The following ITGA8 variants were observed in gnomAD, a reference collection of about 807,000 sequenced individuals.
ITGA8 encodes integrin subunit alpha 8.
Under a neutral mutation model 142.3 loss-of-function variants are expected in ITGA8, and 91 were observed. That is an observed-to-expected ratio of 0.64 (90% CI 0.54 to 0.76). The LOEUF (loss-of-function observed/expected upper bound fraction) is 0.76, where lower values mean the gene tolerates loss of function less well. Ranked by LOEUF, ITGA8 falls within the 30% of genes least tolerant of loss-of-function variation. ITGA8 has a pLI of 0.00. For missense variants in ITGA8, 1,406 were observed against 1,327.7 expected (o/e 1.06, Z -0.92); for synonymous variants, 505 against 485.2 (o/e 1.04, Z -0.54).
chr10:15,604,419 T>G, intron 19 of ITGA8, 64 bp from the exon 20 acceptor site: 8 of 1,369,080 alleles, frequency 5.8e-6, no homozygotes, highest in Non-Finnish European at 7.9e-6. Context: ...AATATTTTAT[T>G]TAAGGATTTA....
rs769000618 is a variant in ITGA8 at position 15,608,250 on chromosome 10, T to A, written c.1594A>T (p.Ile532Phe). ...ACATGCTTACCTATTGTGTTTGCAA[T>A]GCTCTGGCCTGTGACAGATGCACAT... ...RVCASVTGQSIANTIVLMAEV... is the reference protein window; with the variant it reads ...RVCASVTGQSFANTIVLMAEV... Residue 532 changes from isoleucine (I) to phenylalanine (F), a missense_variant, in exon 16 of 30, where the codon ATT (isoleucine) becomes TTT (phenylalanine). Ile to Phe is a conservative substitution (Grantham distance 21). Coordinates refer to ENST00000378076, the MANE Select transcript of ITGA8 (RefSeq NM_003638.3). 6.3e-7 allele frequency: 1 copy of A among 1,597,170 alleles called. No homozygotes were observed. Among genetic ancestry groups the A allele is most frequent in the Non-Finnish European group, 8.5e-7 (1 of 1,172,776 alleles).
At chr10:15,636,636 C>T (rs1305299240) in intron 13 of ITGA8, among the ~76,000 whole-genome samples, 1 of 152,140 alleles carries the variant, frequency 6.6e-6, no homozygotes, top group Non-Finnish European at 1.5e-5. Flanking sequence ...TCTTCCTTAC[C>T]TCCTGCCACC....
At chr10:15,559,419 T>G (rs1313588751) in intron 25 of ITGA8, among the ~76,000 whole-genome samples, 1 of 151,702 alleles carries the variant, frequency 6.6e-6, no homozygotes, top group Non-Finnish European at 1.5e-5. Flanking sequence ...GATGAGAAAA[T>G]GGAAAACACA....
intron 27 of ITGA8, 70 bp downstream of exon 27, chr10:15,548,385 C>G: frequency 2.8e-6 from 3 of 1,055,976 alleles, no homozygotes; most frequent in Non-Finnish European, 4.3e-6. Context: ...TATGAAAAGA[C>G]TTCCCACTGA....
intron 13 of ITGA8, among the ~76,000 whole-genome samples, chr10:15,640,530 G>A (rs369803328): frequency 7.9e-5 from 12 of 152,212 alleles, no homozygotes; most frequent in African/African-American, 2.4e-4. Context: ...GGCCTAGAAC[G>A]TAGCATTTAC....
chr10:15,548,981 A>C (rs1033818800), intron 26 of ITGA8, among the ~76,000 whole-genome samples: 1 of 152,122 alleles, frequency 6.6e-6, no homozygotes, highest in East Asian at 1.9e-4. Flanking sequence ...ATTGACATAC[A>C]TTTGTTCCAT....
intron 8 of ITGA8, among the ~76,000 whole-genome samples, chr10:15,663,856 G>GTC (rs1834335816): frequency 6.6e-6 from 1 of 152,000 alleles, no homozygotes; most frequent in Non-Finnish European, 1.5e-5. Context: ...AGGTGTGTGA[G>GTC]TCACCACACC....
Position 15,604,218 on chromosome 10 carries a change from C to T in ITGA8, c.2108G>A (p.Arg703His), listed in dbSNP as rs547566310. The change falls in exon 20 of 30, where the codon CGC (arginine) becomes CAC (histidine). Residue 703 changes from arginine to histidine, a missense_variant. By Grantham distance (29) the Arg-to-His change is conservative. Coordinates refer to ENST00000378076, the MANE Select transcript of ITGA8 (RefSeq NM_003638.3). ...PEEADYVGIE[R>H]NNKGFRPLSC... ...ATTTGCAGGCATTACCTTGTTGTTG[C>T]GTTCGATTCCAACATAATCTGCCTC... 39 of 1,609,252 alleles carry T rather than the reference C, an allele frequency of 2.4e-5. No individual in the cohort carries two copies. Among genetic ancestry groups the T allele is most frequent in the South Asian group, 2.2e-4 (20 of 89,608 alleles).
chr10:15,682,330 C>T (rs950652352), intron 4 of ITGA8, among the ~76,000 whole-genome samples: 7 of 152,098 alleles, frequency 4.6e-5, no homozygotes, highest in African/African-American at 1.7e-4. Context: ...GTTTACTGCT[C>T]AATGTGTGGT....
At chr10:15,629,318 G>T (rs1395506943) in intron 13 of ITGA8, among the ~76,000 whole-genome samples, 1 of 151,948 alleles carries the variant, frequency 6.6e-6, no homozygotes, top group African/African-American at 2.4e-5. Context: ...CTTCACTCTA[G>T]GGGGTTTCTG....
intron 20 of ITGA8, among the ~76,000 whole-genome samples, chr10:15,600,633 G>A (rs1312114517): frequency 4.6e-5 from 7 of 152,176 alleles, no homozygotes; most frequent in Non-Finnish European, 7.4e-5. Context: ...TATCCTCAAC[G>A]CAATGGGGAG....
chr10:15,638,661 A>G (rs1275945110), intron 13 of ITGA8, among the ~76,000 whole-genome samples: 4 of 152,200 alleles, frequency 2.6e-5, no homozygotes, highest in Admixed American at 6.5e-5. Context: ...AATCATGCCA[A>G]GTAGTTTGAC....
At chr10:15,701,949 C>T (rs965199920) in intron 2 of ITGA8, among the ~76,000 whole-genome samples, 3 of 152,130 alleles carry the variant, frequency 2.0e-5, no homozygotes, top group African/African-American at 7.2e-5. Context: ...AGGGAATACT[C>T]GTATGTATAA....
chr10:15,644,241 A>G lies in ITGA8; in HGVS notation c.1208-20T>C, dbSNP rs554581098. On this transcript the variant is annotated intron_variant, in intron 12 of 29. Transcript: ENST00000378076. ...CAATGTCTAAAAACAGACATAAAACATGTTTTATGTGTATATGTATTTAAT... is the reference window on the plus strand; with the variant it reads ...CAATGTCTAAAAACAGACATAAAACGTGTTTTATGTGTATATGTATTTAAT... 1.9e-6 allele frequency: 3 copies of G among 1,604,492 alleles called. No individual in the cohort carries two copies. The highest frequency in any genetic ancestry group is 1.4e-5 in the African/African-American group (1 of 74,072).
chr10:15,521,253 A>G (rs1028288973), intron 28 of ITGA8, among the ~76,000 whole-genome samples: 2 of 151,746 alleles, frequency 1.3e-5, no homozygotes, highest in African/African-American at 4.9e-5. Flanking sequence ...AGAACTCCTG[A>G]CCTCAAGTGA....
intron 25 of ITGA8, among the ~76,000 whole-genome samples, chr10:15,567,969 G>T (rs1834108571): frequency 6.6e-6 from 1 of 152,206 alleles, no homozygotes; most frequent in African/African-American, 2.4e-5. Context: ...CTGGAGTACA[G>T]TAGTGTGATC....
chr10:15,597,186 G>A (rs1833023812), intron 21 of ITGA8, 21 bp downstream of exon 21: 5 of 1,571,754 alleles, frequency 3.2e-6, no homozygotes, highest in South Asian at 1.1e-5. Context: ...AAATCAGTCA[G>A]TATTTCTGGT....
chr10:15,664,675 A>G (rs1373704099), intron 8 of ITGA8, among the ~76,000 whole-genome samples: 1 of 88,122 alleles, frequency 1.1e-5, no homozygotes, highest in African/African-American at 4.4e-5. Flanking sequence ...CCTCCCCCCA[A>G]CCCACAACAG....
intron 21 of ITGA8, 23 bp downstream of exon 21, chr10:15,597,184 C>G: frequency 1.9e-6 from 3 of 1,564,700 alleles, no homozygotes; most frequent in Non-Finnish European, 2.6e-6. Flanking sequence ...GGAAATCAGT[C>G]AGTATTTCTG....
Sources: gnomAD v4.1 joint callset for allele counts (sites outside exome capture counted in the v4.1 genomes callset) on GRCh38, gnomAD v4.1.1 for gene constraint, MANE v1.5 for transcripts, NCBI Gene and HGNC (gene_info 2026-07-23, HGNC 2026-07-21) for gene names.